RPH3AL: variants seen among roughly 807,000 people sequenced by gnomAD.
The protein encoded by RPH3AL is rabphilin 3A like (without C2 domains), also known as rab effector Noc2.
Under a neutral mutation model 43.1 loss-of-function variants are expected in RPH3AL, and 38 were observed. That is an observed-to-expected ratio of 0.88 (90% CI 0.68 to 1.15). RPH3AL has a LOEUF of 1.15. Ranked by LOEUF, RPH3AL falls within the 50% of genes most tolerant of loss-of-function variation. The probability of loss-of-function intolerance (pLI) is 0.00; values close to 1 mark genes in which losing one functional copy is unlikely to be tolerated. For synonymous variants in RPH3AL, 189 were observed against 176.3 expected, an observed-to-expected ratio of 1.07 and a Z score of -0.57; for missense variants, 462 against 423.2, an observed-to-expected ratio of 1.09 and a Z score of -0.81.
At position 314,750 on chromosome 17, in the gene RPH3AL, CCAT is replaced by C. The variant is rs1356243464; in HGVS notation, c.351+4667_351+4669del. Among the ~76,000 whole-genome samples the C allele has an allele frequency of 1.8e-3, 174 of 96,614 alleles. 1 individual carries two copies. Among genetic ancestry groups the C allele is most frequent in the Middle Eastern group, 8.3e-3 (1 of 120 alleles). The allele number at this position is 96,614 out of a possible 152,430, so 63.4% of individuals were successfully genotyped here. ...GACCTGTAGTCTCTGTGCTCCACCTCCATTGACCTGTAGTCTCTGTGACCCCAC... is the reference window on the plus strand; with the variant it reads ...GACCTGTAGTCTCTGTGCTCCACCTCTGACCTGTAGTCTCTGTGACCCCAC... On this transcript the variant is annotated intron_variant, in intron 5 of 9. Transcript: ENST00000331302.
At chr17:240,129 C>G (rs1055584593) in intron 7 of RPH3AL, among the ~76,000 whole-genome samples, 3 of 150,050 alleles carry the variant, frequency 2.0e-5, no homozygotes, top group African/African-American at 7.4e-5. Flanking sequence ...CCCAGCTACT[C>G]AGGAGGCTGA....
chr17:307,881 C>T (rs561113897), intron 5 of RPH3AL, among the ~76,000 whole-genome samples: 17 of 152,330 alleles, frequency 1.1e-4, no homozygotes, highest in East Asian at 1.9e-4. Flanking sequence ...GGAGATGTTC[C>T]GCTTGCCAGA....
intron 6 of RPH3AL, among the ~76,000 whole-genome samples, chr17:250,820 C>T (rs927357997): frequency 1.3e-5 from 2 of 151,844 alleles, no homozygotes; most frequent in Non-Finnish European, 2.9e-5. Flanking sequence ...CGGGACCTCT[C>T]GGAGCCTTTA....
At chr17:299,532 C>G (rs1240215600) in intron 5 of RPH3AL, among the ~76,000 whole-genome samples, 1 of 152,194 alleles carries the variant, frequency 6.6e-6, no homozygotes, top group East Asian at 1.9e-4. Flanking sequence ...AGAGCTGCCC[C>G]CCGTGTCCTC....
intron 6 of RPH3AL, among the ~76,000 whole-genome samples, chr17:251,256 T>C (rs1555542459): frequency 6.6e-6 from 1 of 152,232 alleles, no homozygotes; most frequent in Admixed American, 6.5e-5. Context: ...GAAAACCCTT[T>C]CTGATCCTCT....
intron 1 of RPH3AL, among the ~76,000 whole-genome samples, chr17:337,697 C>A (rs913915235): frequency 6.6e-6 from 1 of 152,248 alleles, no homozygotes; most frequent in African/African-American, 2.4e-5. Flanking sequence ...GTTCATTCAA[C>A]ACACACACGC....
In RPH3AL at chr17:215,562, T is replaced by C. The variant is rs1423273402; in HGVS notation, c.876+92A>G. 8.7e-7 allele frequency: 1 copy of C among 1,147,118 alleles called. No homozygotes were observed. Among genetic ancestry groups the C allele is most frequent in the Non-Finnish European group, 1.1e-6 (1 of 904,130 alleles). The allele number at this position is 1,147,118 out of a possible 1,614,324, so 71.1% of individuals were successfully genotyped here. A position where few individuals can be genotyped will look rare whatever the true frequency, so the allele number is the denominator to read the frequency against. Reference sequence around the variant, plus strand: ...TAAACAACATGCAGAATTGAAAACGTCACCGACCAGTCTCCAGTTTGGGAG... The same window carrying C: ...TAAACAACATGCAGAATTGAAAACGCCACCGACCAGTCTCCAGTTTGGGAG... On this transcript the variant is annotated intron_variant, in intron 9 of 9. Coordinates refer to ENST00000331302, the MANE Select transcript of RPH3AL (RefSeq NM_006987.4). The surrounding 1 kb of genome is among the most constrained non-coding windows in gnomAD (Gnocchi z 4.1).
chr17:302,867 T>G (rs1012062719), intron 5 of RPH3AL, among the ~76,000 whole-genome samples: 6 of 152,214 alleles, frequency 3.9e-5, no homozygotes, highest in African/African-American at 7.2e-5. Flanking sequence ...CTGCGAACAT[T>G]TGTGTGAGTG....
intron 1 of RPH3AL, among the ~76,000 whole-genome samples, chr17:340,520 C>T (rs71354716): frequency 0.036 from 67 of 1,866 alleles, 30 homozygotes; most frequent in Non-Finnish European, 0.072. Flanking sequence ...TGCCCCCCAC[C>T]CAGGCCTCCC....
intron 7 of RPH3AL, among the ~76,000 whole-genome samples, chr17:221,706 C>G: frequency 7.5e-6 from 1 of 132,570 alleles, no homozygotes; most frequent in East Asian, 2.2e-4. Context: ...GACAATAGAC[C>G]CAAGCACATC....
At chr17:239,205 TCCTGCA>T (rs1424547957) in intron 7 of RPH3AL, among the ~76,000 whole-genome samples, 2 of 152,184 alleles carry the variant, frequency 1.3e-5, no homozygotes, top group African/African-American at 4.8e-5. Context: ...AGCGCACCTG[TCCTGCA>T]GGTGCAGTGC....
At chr17:263,836 G>A (rs1414270943) in intron 6 of RPH3AL, among the ~76,000 whole-genome samples, 1 of 152,196 alleles carries the variant, frequency 6.6e-6, no homozygotes, top group African/African-American at 2.4e-5. Flanking sequence ...CCTGAAGAAG[G>A]CCAAGTTCCT....
At chr17:224,203 C>G (rs957714079) in intron 7 of RPH3AL, among the ~76,000 whole-genome samples, 4 of 152,244 alleles carry the variant, frequency 2.6e-5, no homozygotes, top group African/African-American at 9.6e-5. Flanking sequence ...TCTGCACAGC[C>G]AGGGGATGCT....
chr17:266,351 T>C (rs528704060), intron 6 of RPH3AL, among the ~76,000 whole-genome samples: 112 of 152,142 alleles, frequency 7.4e-4, no homozygotes, highest in Admixed American at 2.0e-3. Context: ...AAAGCCCCCG[T>C]CATCCCTGTG....
chr17:268,983 A>G (rs1046928852), intron 6 of RPH3AL, among the ~76,000 whole-genome samples: 1 of 152,038 alleles, frequency 6.6e-6, no homozygotes, highest in African/African-American at 2.4e-5. Context: ...GGTTCACGCC[A>G]TTCTCCTGCC....
At chr17:324,532 C>T (rs2044564156) in intron 3 of RPH3AL, among the ~76,000 whole-genome samples, 2 of 152,210 alleles carry the variant, frequency 1.3e-5, no homozygotes, top group Admixed American at 6.5e-5. Flanking sequence ...GCACGGCGCC[C>T]TCGTCTCTCA....
At chr17:298,711 A>AAAC (rs888523999) in intron 5 of RPH3AL, among the ~76,000 whole-genome samples, 8 of 41,830 alleles carry the variant, frequency 1.9e-4, no homozygotes, top group South Asian at 1.1e-3. Flanking sequence ...TCTCAAAAAA[A>AAAC]AAAAAAAACT....
Position 328,959 on chromosome 17 carries a change from G to A in RPH3AL, c.-36-1380C>T, listed in dbSNP as rs1415918439. On this transcript the variant is annotated intron_variant, in intron 2 of 9. Transcript: ENST00000331302. The surrounding 1 kb of genome is among the most constrained non-coding windows in gnomAD (Gnocchi z 4.2). ...AATCTAGAGAGACGGAAGGTGAGGA[G>A]TGGTTGTCAGGGGTTGCAGGAAGAG... Among the ~76,000 whole-genome samples, 2 of 152,186 alleles carry A rather than the reference G, an allele frequency of 1.3e-5. No homozygotes were observed. Among genetic ancestry groups the A allele is most frequent in the Non-Finnish European group, 2.9e-5 (2 of 68,036 alleles).
At chr17:243,698 A>G (rs1262822468) in intron 7 of RPH3AL, among the ~76,000 whole-genome samples, 1 of 138,484 alleles carries the variant, frequency 7.2e-6, no homozygotes, top group Non-Finnish European at 1.5e-5. Context: ...TCCTCTATTG[A>G]CTACCTTCCT....
Sources: allele counts gnomAD v4.1 joint callset (sites outside exome capture counted in the v4.1 genomes callset), GRCh38; gene constraint gnomAD v4.1.1; non-coding constraint Gnocchi (gnomAD v3.1); transcripts MANE v1.5; gene names NCBI Gene and HGNC (gene_info 2026-07-23, HGNC 2026-07-21).